Variants in CMC1 observed in about 807,000 individuals in gnomAD.
CMC1 encodes C-X9-C motif containing 1.
Under a neutral mutation model 14.1 loss-of-function variants are expected in CMC1, and 14 were observed. That is an observed-to-expected ratio of 0.99 (90% confidence interval 0.66 to 1.55). The LOEUF (loss-of-function observed/expected upper bound fraction) is 1.55, where lower values mean the gene tolerates loss of function less well. Ranked by LOEUF, CMC1 falls within the 40% of genes most tolerant of loss-of-function variation. The probability of loss-of-function intolerance (pLI) is 0.00; values close to 1 mark genes in which losing one functional copy is unlikely to be tolerated. For synonymous variants in CMC1, 50 were observed against 38.4 expected, an observed-to-expected ratio of 1.30 and a Z score of -1.12; for missense variants, 127 against 123.8, an observed-to-expected ratio of 1.03 and a Z score of -0.12.
chr3:28,255,964 A>C lies in CMC1; in HGVS notation c.20-7327A>C, dbSNP rs149929884. Among the ~76,000 whole-genome samples, 526 of 152,224 alleles carry C rather than the reference A, an allele frequency of 3.5e-3. 1 individual carries two copies. Among genetic ancestry groups the C allele is most frequent in the Non-Finnish European group, 6.5e-3 (440 of 68,022 alleles). Reference sequence around the variant, plus strand: ...TCATTGAGAAATATAATTTTGCTAAAACTTCAGCTGACTCTAGAATTAGTA... The same window carrying C: ...TCATTGAGAAATATAATTTTGCTAACACTTCAGCTGACTCTAGAATTAGTA... On this transcript the variant is annotated intron_variant, in intron 1 of 3. Transcript: ENST00000466830.
chr3:28,247,463 G>T (rs567472398), intron 1 of CMC1, among the ~76,000 whole-genome samples: 1 of 152,178 alleles, frequency 6.6e-6, no homozygotes, highest in Non-Finnish European at 1.5e-5. Context: ...GGAGGCAAGG[G>T]AGCTGGGCTT....
rs1703208514 is a variant in CMC1 at position 28,322,268 on chromosome 3, A to C, written c.*2639A>C. On this transcript the variant is annotated 3_prime_UTR_variant, in exon 4 of 4. Coordinates refer to ENST00000466830, the MANE Select transcript of CMC1 (RefSeq NM_182523.2). ...TCTCCACTCAAAAGCTGGTTTAACA[A>C]ATGTCTATTGTATGAATCATATTAA... The C allele has an allele frequency of 6.6e-6, 1 of 151,296 alleles. No homozygotes were observed. The highest frequency in any genetic ancestry group is 1.5e-5 in the Non-Finnish European group (1 of 67,464). 9.4% of individuals were successfully genotyped at this position (151,296 alleles called of 1,614,324 possible).
At chr3:28,248,017 A>C (rs1159603925) in intron 1 of CMC1, among the ~76,000 whole-genome samples, 1 of 151,200 alleles carries the variant, frequency 6.6e-6, no homozygotes, top group African/African-American at 2.4e-5. Context: ...CCAGTTAAAC[A>C]TTTTTTTTTA....
At chr3:28,251,931 C>T (rs1699152191) in intron 1 of CMC1, among the ~76,000 whole-genome samples, 1 of 152,232 alleles carries the variant, frequency 6.6e-6, no homozygotes, top group Admixed American at 6.5e-5. Context: ...TGCTGATTTT[C>T]TGCCGGATAT....
rs1701637284 is a variant in CMC1, at chr3:28,294,360, T to G, written c.110-21973T>G. The G allele has an allele frequency of 1.2e-5, 3 of 253,498 alleles. No homozygotes were observed. The Admixed American group carries it at 1.9e-4, about 16-fold the overall frequency. The allele number at this position is 253,498 out of a possible 1,614,324, so 15.7% of individuals were successfully genotyped here. A position where few individuals can be genotyped will look rare whatever the true frequency, so the allele number is the denominator to read the frequency against. On this transcript the variant is annotated intron_variant, in intron 2 of 3. Coordinates refer to ENST00000466830, the MANE Select transcript of CMC1 (RefSeq NM_182523.2). ...CTTCTAAAGTTGCGAATTGTATTAT[T>G]GTTAAGTAGCAAAATTTGGGGGTAG...
intron 1 of CMC1, among the ~76,000 whole-genome samples, chr3:28,255,694 A>T (rs1576984786): frequency 1.1e-5 from 1 of 91,768 alleles, no homozygotes; most frequent in African/African-American, 3.6e-5. Context: ...AAACGTTGTT[A>T]AAAAAAATGT....
At chr3:28,318,135 C>G (rs114492039) in intron 3 of CMC1, 107 of 152,032 alleles carry the variant, frequency 7.0e-4, no homozygotes, top group African/African-American at 2.4e-3. Context: ...TTGTTAATTA[C>G]TATTGACATT....
intron 2 of CMC1, among the ~76,000 whole-genome samples, chr3:28,308,692 T>C (rs112461973): frequency 0.015 from 2,211 of 152,264 alleles, 52 homozygotes; most frequent in African/African-American, 0.049. Context: ...TACTTATAAA[T>C]GAAATCTACA....
At chr3:28,248,380 G>A (rs536479429) in intron 1 of CMC1, among the ~76,000 whole-genome samples, 15 of 152,314 alleles carry the variant, frequency 9.8e-5, no homozygotes, top group Non-Finnish European at 1.8e-4. Context: ...GAATTTGGGA[G>A]TTAGTAAGAC....
intron 2 of CMC1, among the ~76,000 whole-genome samples, chr3:28,289,315 TTTTG>T (rs1701351960): frequency 6.6e-6 from 1 of 151,970 alleles, no homozygotes; most frequent in South Asian, 2.1e-4. Flanking sequence ...TTAAAATTCG[TTTTG>T]TTTATCTTAC....
chr3:28,301,639 T>A (rs991922958), intron 2 of CMC1, among the ~76,000 whole-genome samples: 4 of 148,840 alleles, frequency 2.7e-5, no homozygotes, highest in Non-Finnish European at 4.4e-5. Flanking sequence ...TTTTTTTTTT[T>A]TAAAAAAATA....
At chr3:28,251,972 A>G (rs1699156246) in intron 1 of CMC1, among the ~76,000 whole-genome samples, 1 of 152,248 alleles carries the variant, frequency 6.6e-6, no homozygotes, top group Non-Finnish European at 1.5e-5. Context: ...AGGCGCAAAG[A>G]CAGTCTTGAA....
intron 2 of CMC1, among the ~76,000 whole-genome samples, chr3:28,266,776 GAA>G (rs1319009225): frequency 3.3e-5 from 5 of 152,054 alleles, no homozygotes; most frequent in Non-Finnish European, 7.4e-5. Flanking sequence ...GATATCAAAA[GAA>G]AAATTAATTG....
intron 2 of CMC1, among the ~76,000 whole-genome samples, chr3:28,275,332 T>G (rs1428333248): frequency 6.2e-5 from 9 of 145,440 alleles, no homozygotes; most frequent in South Asian, 4.2e-4. Flanking sequence ...TTGTTTGTTT[T>G]TTTTTTTTCT....
At chr3:28,310,511 A>G (rs1044483342) in intron 2 of CMC1, among the ~76,000 whole-genome samples, 2 of 152,202 alleles carry the variant, frequency 1.3e-5, no homozygotes, top group African/African-American at 4.8e-5. Flanking sequence ...CACAATAAAT[A>G]TTAGCTATTG....
chr3:28,280,073 G>A (rs1398680049), intron 2 of CMC1, among the ~76,000 whole-genome samples: 1 of 152,120 alleles, frequency 6.6e-6, no homozygotes, highest in African/African-American at 2.4e-5. Flanking sequence ...GCAATAAAAT[G>A]GAACAAACTA....
At chr3:28,252,240 A>G (rs1699167149) in intron 1 of CMC1, among the ~76,000 whole-genome samples, 1 of 152,180 alleles carries the variant, frequency 6.6e-6, no homozygotes, top group Non-Finnish European at 1.5e-5. Context: ...GGGCACATCT[A>G]GTGTGAACAA....
chr3:28,305,272 G>T (rs1213384475), intron 2 of CMC1, among the ~76,000 whole-genome samples: 2 of 152,102 alleles, frequency 1.3e-5, no homozygotes, highest in East Asian at 1.9e-4. Context: ...CGTTTTTATG[G>T]CTGTGTAGTA....
chr3:28,260,555 G>GTT (rs112698507), intron 1 of CMC1, among the ~76,000 whole-genome samples: 2 of 145,376 alleles, frequency 1.4e-5, no homozygotes, highest in African/African-American at 5.0e-5. Context: ...TAATTTCATT[G>GTT]TTTTTTTTTT....
Sources: allele counts gnomAD v4.1 joint callset (sites outside exome capture counted in the v4.1 genomes callset), GRCh38; gene constraint gnomAD v4.1.1; transcripts MANE v1.5; gene names NCBI Gene and HGNC (gene_info 2026-07-23, HGNC 2026-07-21).